Variants in EPB41L2 observed in about 807,000 individuals in gnomAD.
EPB41L2 encodes the protein band 4.1-like protein 2.
A neutral mutation model predicts 113.0 loss-of-function variants in EPB41L2; 43 were observed. That is an observed-to-expected ratio of 0.38 (90% CI 0.30 to 0.49). The LOEUF (loss-of-function observed/expected upper bound fraction) is 0.49, where lower values mean the gene tolerates loss of function less well. Among genes scored for constraint, EPB41L2 ranks in the 20% least tolerant of loss-of-function variants. The pLI is 0.95. For synonymous variants in EPB41L2, 442 were observed against 436.7 expected (o/e 1.01, Z -0.15); for missense variants, 1,147 against 1,223.4 (o/e 0.94, Z 0.93).
chr6:131,035,694 A>G (rs556774797), intron 1 of EPB41L2, among the ~76,000 whole-genome samples: 1 of 152,326 alleles, frequency 6.6e-6, no homozygotes, highest in South Asian at 2.1e-4. Context: ...TCAAATGTAA[A>G]CTTTGACCCT....
At chr6:130,916,693 T>C (rs1801212204) in intron 4 of EPB41L2, among the ~76,000 whole-genome samples, 2 of 152,188 alleles carry the variant, frequency 1.3e-5, no homozygotes, top group Admixed American at 6.5e-5. Context: ...TATCCCTACA[T>C]CAATGCTTCT....
intron 19 of EPB41L2, among the ~76,000 whole-genome samples, chr6:130,846,952 A>C (rs1777234040): frequency 6.6e-6 from 1 of 152,248 alleles, no homozygotes; most frequent in African/African-American, 2.4e-5. Flanking sequence ...CCCCATTACT[A>C]ACTGTCTGAA....
chr6:130,993,549 T>A (rs1027448772), intron 1 of EPB41L2, among the ~76,000 whole-genome samples: 1 of 152,186 alleles, frequency 6.6e-6, no homozygotes, highest in Non-Finnish European at 1.5e-5. Context: ...TTTTATAGTC[T>A]GCTGTAAACA....
intron 1 of EPB41L2, among the ~76,000 whole-genome samples, chr6:131,058,906 C>T (rs980320658): frequency 3.3e-5 from 5 of 152,084 alleles, no homozygotes; most frequent in Admixed American, 6.6e-5. Flanking sequence ...ATTCCAGCTA[C>T]TTGGAAGGCT....
rs9483200 is a variant in EPB41L2 at position 130,954,052 on chromosome 6, T to C, written c.705+1053A>G. ...AGTCCTTTTCTTTCTTTTTTTTTTTTTTTTTTTTTTTTTTTTTTGAGACGG... is the reference window on the plus strand; with the variant it reads ...AGTCCTTTTCTTTCTTTTTTTTTTTCTTTTTTTTTTTTTTTTTTGAGACGG... On this transcript the variant is annotated intron_variant, in intron 3 of 19. Transcript: ENST00000337057. Among the ~76,000 whole-genome samples, 927 of 100,118 alleles carry C rather than the reference T, an allele frequency of 9.3e-3. 23 individuals are homozygous for C. Among genetic ancestry groups the C allele is most frequent in the African/African-American group, 0.029 (802 of 27,894 alleles). The allele number at this position is 100,118 out of a possible 152,430, so 65.7% of individuals were successfully genotyped here.
intron 4 of EPB41L2, among the ~76,000 whole-genome samples, chr6:130,921,877 T>C (rs1394873423): frequency 1.3e-5 from 2 of 152,208 alleles, no homozygotes; most frequent in African/African-American, 4.8e-5. Context: ...AATATCAACC[T>C]GACCAAAGGT....
intron 11 of EPB41L2, among the ~76,000 whole-genome samples, chr6:130,886,312 C>A (rs1360773590): frequency 1.3e-5 from 2 of 152,130 alleles, no homozygotes; most frequent in Non-Finnish European, 2.9e-5. Context: ...CCTGCCCTGT[C>A]CAAAACTTAA....
intron 6 of EPB41L2, among the ~76,000 whole-genome samples, chr6:130,903,249 AGCTCT>A (rs541586704): frequency 9.6e-4 from 146 of 152,172 alleles, no homozygotes; most frequent in Non-Finnish European, 1.8e-3. Flanking sequence ...CCTGCAGTGA[AGCTCT>A]GCATCCTACA....
chr6:130,943,472 G>C (rs1048475877), intron 3 of EPB41L2, among the ~76,000 whole-genome samples: 1 of 152,194 alleles, frequency 6.6e-6, no homozygotes, highest in Non-Finnish European at 1.5e-5. Context: ...ACCACCCTCT[G>C]ATGAGGGTAA....
intron 1 of EPB41L2, among the ~76,000 whole-genome samples, chr6:131,008,875 T>G (rs1786249296): frequency 6.6e-6 from 1 of 152,188 alleles, no homozygotes; most frequent in East Asian, 1.9e-4. Context: ...GTACCCCCAT[T>G]TTATCTAGGA....
chr6:131,061,754 T>C (rs1798690174), intron 1 of EPB41L2, among the ~76,000 whole-genome samples: 1 of 151,988 alleles, frequency 6.6e-6, no homozygotes, highest in South Asian at 2.1e-4. Context: ...ACTGAAATGC[T>C]AATTCTCAAC....
intron 1 of EPB41L2, among the ~76,000 whole-genome samples, chr6:131,037,747 C>T (rs914567449): frequency 5.9e-5 from 9 of 152,044 alleles, no homozygotes; most frequent in African/African-American, 2.2e-4. Flanking sequence ...CGTCACCACG[C>T]CTGACTAGTT....
At chr6:130,846,635 T>C (rs969260702) in intron 19 of EPB41L2, among the ~76,000 whole-genome samples, 1 of 152,202 alleles carries the variant, frequency 6.6e-6, no homozygotes, top group African/African-American at 2.4e-5. Flanking sequence ...TTCATGCTGT[T>C]TGGAGACCCC....
At chr6:131,059,272 G>A (rs1171601580) in intron 1 of EPB41L2, among the ~76,000 whole-genome samples, 1 of 151,990 alleles carries the variant, frequency 6.6e-6, no homozygotes, top group Non-Finnish European at 1.5e-5. Flanking sequence ...CTGCCACCAC[G>A]CCTGGCTAAT....
At chr6:131,045,629 C>G (rs538338872) in intron 1 of EPB41L2, among the ~76,000 whole-genome samples, 3 of 152,096 alleles carry the variant, frequency 2.0e-5, no homozygotes, top group Non-Finnish European at 4.4e-5. Flanking sequence ...AGGAGAGACT[C>G]AAAGACTTTC....
At chr6:130,972,859 C>T (rs1314182119) in intron 1 of EPB41L2, among the ~76,000 whole-genome samples, 1 of 141,240 alleles carries the variant, frequency 7.1e-6, no homozygotes, top group Non-Finnish European at 1.5e-5. Context: ...TTTGTGAGGC[C>T]AAGGTGGGTG....
At position 131,005,642 on chromosome 6, in the gene EPB41L2, C is replaced by T. The variant is rs78664276; in HGVS notation, c.-14-49143G>A. On this transcript the variant is annotated intron_variant, in intron 1 of 19. Transcript: ENST00000337057. The stretch of plus-strand genomic sequence containing the variant: ...ATAAGGCACAGGGCAGAAGACTATG[C>T]GAGTGTGTATGCATTCCTACTTAAA... 5.2e-3 allele frequency among the ~76,000 whole-genome samples: 798 copies of T among 152,282 alleles called. 6 individuals carry two copies. The highest frequency in any genetic ancestry group is 0.018 in the African/African-American group (753 of 41,566).
At chr6:131,061,515 A>G (rs915585575) in intron 1 of EPB41L2, among the ~76,000 whole-genome samples, 4 of 152,190 alleles carry the variant, frequency 2.6e-5, no homozygotes, top group Non-Finnish European at 5.9e-5. Context: ...CCTTATCACA[A>G]TTCAAGATTG....
At position 130,967,899 on chromosome 6, in the gene EPB41L2, A is replaced by G. The variant is rs1460555143; in HGVS notation, c.-14-11400T>C. On this transcript the variant is annotated intron_variant, in intron 1 of 19. Transcript: ENST00000337057. ...TGGGCCACCCCCCTATTAATGCTCT[A>G]TAGAAAAAAAAATGCTAACGTGCAG... 2.6e-5 allele frequency among the ~76,000 whole-genome samples: 4 copies of G among 152,190 alleles called. No individual in the cohort carries two copies. In the East Asian group the frequency reaches 7.7e-4, roughly 29 times the overall value.
Sources: allele counts gnomAD v4.1 joint callset (sites outside exome capture counted in the v4.1 genomes callset), GRCh38; gene constraint gnomAD v4.1.1; transcripts MANE v1.5; gene names NCBI Gene and HGNC (gene_info 2026-07-23, HGNC 2026-07-21).